Variants in TTK observed in about 807,000 individuals in gnomAD.
The protein encoded by TTK is dual specificity protein kinase TTK.
Under a neutral mutation model 117.3 loss-of-function variants are expected in TTK, and 59 were observed. That is an observed-to-expected ratio of 0.50 (90% CI 0.41 to 0.62). TTK has a LOEUF of 0.62. TTK is among the 20% of genes least tolerant of loss of function. TTK has a pLI of 0.00. For synonymous variants in TTK, 302 were observed against 325.0 expected (o/e 0.93, Z 0.76); for missense variants, 921 against 989.4 (o/e 0.93, Z 0.93).
intron 13 of TTK, among the ~76,000 whole-genome samples, chr6:80,028,847 A>G (rs936386125): frequency 6.6e-6 from 1 of 152,184 alleles, no homozygotes; most frequent in East Asian, 1.9e-4. Context: ...CTGGTAGAAA[A>G]CATGGGCCTT....
Position 80,008,386 on chromosome 6 carries a change from T to G in TTK, c.363T>G (p.Ala121=). 6.2e-7 allele frequency: 1 copy of G among 1,606,608 alleles called. No individual in the cohort carries two copies. The highest frequency in any genetic ancestry group is 8.5e-7 in the Non-Finnish European group (1 of 1,177,690). ...RIQVRFAELK[A]IQEPDDARDY... is the part of the protein sequence containing the mutation. Reference sequence around the variant, plus strand: ...TTTTGACTCAAATCTTTTATTACAGTATTCAAGAGCCAGATGATGCACGTG... The same window carrying G: ...TTTTGACTCAAATCTTTTATTACAGGATTCAAGAGCCAGATGATGCACGTG... Residue 121 remains alanine, a splice_region_variant and synonymous_variant, in exon 4 of 22, where the codon GCT becomes GCG. Transcript: ENST00000369798.
chr6:80,017,301 A>G, intron 10 of TTK, among the ~76,000 whole-genome samples: 1 of 152,076 alleles, frequency 6.6e-6, no homozygotes, highest in South Asian at 2.1e-4. Flanking sequence ...TTTTTGAGAC[A>G]GGGTCTTGCT....
At chr6:80,040,736 C>G in intron 21 of TTK, 33 bp downstream of exon 21, 1 of 1,593,810 alleles carries the variant, frequency 6.3e-7, no homozygotes, top group Non-Finnish European at 8.6e-7. Context: ...TTAATTTTTA[C>G]TGTTTTATAT....
chr6:80,026,602 C>G (rs1582104015), intron 12 of TTK, 88 bp downstream of exon 12: 1 of 1,541,622 alleles, frequency 6.5e-7, no homozygotes, highest in East Asian at 2.3e-5. Flanking sequence ...GGGATTAAAT[C>G]CTGCTCTTTT....
rs373899927 is a variant in TTK, at chr6:80,027,865, A to T, written c.1395-20A>T. 849 of 1,471,106 alleles carry T rather than the reference A, an allele frequency of 5.8e-4. 4 individuals carry two copies. In the African/African-American group the frequency reaches 0.011, roughly 18 times the overall value. The allele number at this position is 1,471,106 out of a possible 1,614,324, so 91.1% of individuals were successfully genotyped here. ...GTTAAATTGTAATGTTTTAAATAAA[A>T]ATATATATATATTTCCTAGTTTTAG... On this transcript the variant is annotated intron_variant, in intron 12 of 21. Transcript: ENST00000369798.
At chr6:80,022,048 T>G (rs1767473197) in intron 10 of TTK, among the ~76,000 whole-genome samples, 1 of 152,238 alleles carries the variant, frequency 6.6e-6, no homozygotes, top group Admixed American at 6.5e-5. Flanking sequence ...TTTTAAATTT[T>G]TACTTATTTA....
chr6:80,008,400 A>T lies in TTK; in HGVS notation c.377A>T (p.Asp126Val). The part of the protein sequence containing the change: ...FAELKAIQEP[D>V]DARDYFQMAR... ...TTTTATTACAGTATTCAAGAGCCAG[A>T]TGATGCACGTGACTACTTTCAAATG... Residue 126 changes from aspartate to valine, a missense_variant, in exon 4 of 22, where the codon GAT becomes GTT. Asp to Val is a radical substitution (Grantham distance 152). Transcript: ENST00000369798. 6.2e-7 allele frequency: 1 copy of T among 1,611,358 alleles called. No homozygotes were observed. Among genetic ancestry groups the T allele is most frequent in the Non-Finnish European group, 8.5e-7 (1 of 1,178,920 alleles).
At chr6:80,014,730 G>T in intron 10 of TTK, 144 bp downstream of exon 10, 1 of 807,896 alleles carries the variant, frequency 1.2e-6, no homozygotes, top group East Asian at 3.1e-5. Context: ...AGTTATATAG[G>T]GTATATGAAA....
intron 13 of TTK, among the ~76,000 whole-genome samples, chr6:80,031,081 A>C (rs944320156): frequency 6.6e-6 from 1 of 151,278 alleles, no homozygotes; most frequent in African/African-American, 2.4e-5. Context: ...AGCTATAATT[A>C]TGTGTGTGTA....
chr6:80,032,371 C>CT lies in TTK; in HGVS notation c.1614+814dup, dbSNP rs560162772. On this transcript the variant is annotated intron_variant, in intron 14 of 21. Transcript: ENST00000369798. ...GATCTCAGTGAAGCACTGCTCCGGG[C>CT]TTAGTCCTCAGCATTCTTTCATCTT... 3.8e-4 allele frequency among the ~76,000 whole-genome samples: 58 copies of CT among 152,218 alleles called. 1 individual carries two copies. The East Asian group carries it at 0.01, about 27-fold the overall frequency.
intron 10 of TTK, among the ~76,000 whole-genome samples, chr6:80,019,580 G>A (rs1179277267): frequency 6.6e-6 from 1 of 152,064 alleles, no homozygotes; most frequent in Non-Finnish European, 1.5e-5. Context: ...GTTATACAAA[G>A]CTAGTCATTA....
At chr6:80,038,651 G>A (rs1767969098) in intron 18 of TTK, among the ~76,000 whole-genome samples, 1 of 152,080 alleles carries the variant, frequency 6.6e-6, no homozygotes, top group South Asian at 2.1e-4. Flanking sequence ...TGATAAATGT[G>A]TTTTTATTTA....
rs1029336279 is a variant in TTK, at chr6:80,035,627, G to A, written c.1924+210G>A. On this transcript the variant is annotated intron_variant, in intron 16 of 21. Coordinates refer to ENST00000369798, the MANE Select transcript of TTK (RefSeq NM_003318.5). Reference sequence around the variant, plus strand: ...GATATAGGACATCAACTCAAGTTCCGACATCTGTAATACAAAATGTATTTT... The same window carrying A: ...GATATAGGACATCAACTCAAGTTCCAACATCTGTAATACAAAATGTATTTT... Among the ~76,000 whole-genome samples the A allele has an allele frequency of 1.8e-4, 27 of 152,034 alleles. 1 individual carries two copies. Among genetic ancestry groups the A allele is most frequent in the Admixed American group, 1.6e-3 (25 of 15,226 alleles).
At chr6:80,012,789 A>G (rs947516927) in intron 8 of TTK, among the ~76,000 whole-genome samples, 43 of 152,176 alleles carry the variant, frequency 2.8e-4, no homozygotes, top group African/African-American at 8.9e-4. Context: ...CATCTTGTTC[A>G]TCTCTATTTC....
At chr6:80,015,905 A>C (rs541674099) in intron 10 of TTK, among the ~76,000 whole-genome samples, 2 of 152,158 alleles carry the variant, frequency 1.3e-5, no homozygotes, top group East Asian at 3.9e-4. Flanking sequence ...CATTACTAAC[A>C]CCTCAATAAC....
rs1000764627 is a variant in TTK, at chr6:80,028,115, C to G, written c.1521+104C>G. ...ATCAAGAAAGGTCTTAAGAACTTGG[C>G]CATTCTTATTTCCACTAGACAAAAC... On this transcript the variant is annotated intron_variant, in intron 13 of 21. Transcript: ENST00000369798. 2.3e-5 allele frequency: 29 copies of G among 1,277,892 alleles called. No homozygotes were observed. The African/African-American group carries it at 4.5e-4, about 20-fold the overall frequency. 79.2% of individuals were successfully genotyped at this position (1,277,892 alleles called of 1,614,324 possible). A position where few individuals can be genotyped will look rare whatever the true frequency, so the allele number is the denominator to read the frequency against.
chr6:80,019,200 A>G (rs1487956210), intron 10 of TTK, among the ~76,000 whole-genome samples: 1 of 152,228 alleles, frequency 6.6e-6, no homozygotes, highest in Admixed American at 6.5e-5. Context: ...AATAAATTAC[A>G]AACTAGCATA....
chr6:80,006,136 C>G, intron 2 of TTK, 154 bp downstream of exon 2: 1 of 950,786 alleles, frequency 1.1e-6, no homozygotes. Flanking sequence ...GGGTTTTTGT[C>G]TGTTATATCC....
chr6:80,024,352 C>T (rs1334899026), intron 11 of TTK, among the ~76,000 whole-genome samples: 2 of 152,072 alleles, frequency 1.3e-5, no homozygotes, highest in Non-Finnish European at 2.9e-5. Flanking sequence ...GTGGAAATAA[C>T]AAAATATCCA....
Sources: gnomAD v4.1 joint callset for allele counts (sites outside exome capture counted in the v4.1 genomes callset) on GRCh38, gnomAD v4.1.1 for gene constraint, MANE v1.5 for transcripts, NCBI Gene and HGNC (gene_info 2026-07-23, HGNC 2026-07-21) for gene names.